The following FHIT variants were observed in gnomAD, a reference collection of about 807,000 sequenced individuals.
The protein encoded by FHIT is fragile histidine triad diadenosine triphosphatase, also known as bis(5'-adenosyl)-triphosphatase.
FHIT carries 19 observed loss-of-function variants against 17.9 expected under a neutral mutation model. That is an observed-to-expected ratio of 1.06 (90% CI 0.74 to 1.56). The LOEUF is 1.56. Ranked by LOEUF, FHIT falls within the 40% of genes most tolerant of loss-of-function variation. FHIT has a pLI of 0.00. For missense variants in FHIT, 248 were observed against 189.2 expected (o/e 1.31, Z -1.82); for synonymous variants, 81 against 69.7 (o/e 1.16, Z -0.81).
At chr3:59,806,513 C>T (rs556366876) in intron 8 of FHIT, among the ~76,000 whole-genome samples, 21 of 152,182 alleles carry the variant, frequency 1.4e-4, no homozygotes, top group East Asian at 3.9e-4. Flanking sequence ...AGATCCCCAG[C>T]GGCAATTCCC....
At chr3:59,765,501 A>T (rs1463568591) in intron 8 of FHIT, among the ~76,000 whole-genome samples, 1 of 152,208 alleles carries the variant, frequency 6.6e-6, no homozygotes, top group African/African-American at 2.4e-5. Flanking sequence ...TTTGAAAGTG[A>T]TATTTTTACA....
At chr3:60,745,818 A>G (rs937492766) in intron 4 of FHIT, among the ~76,000 whole-genome samples, 11 of 152,296 alleles carry the variant, frequency 7.2e-5, no homozygotes, top group Non-Finnish European at 1.5e-4. Flanking sequence ...AAAAACATTT[A>G]GAAAGACCAA....
chr3:60,021,767 A>G (rs975666890), intron 5 of FHIT, among the ~76,000 whole-genome samples: 1 of 152,176 alleles, frequency 6.6e-6, no homozygotes, highest in Admixed American at 6.5e-5. Context: ...CACTGTTACA[A>G]TGTCCATGCT....
At chr3:60,251,761 T>C (rs992493329) in intron 5 of FHIT, among the ~76,000 whole-genome samples, 6 of 152,160 alleles carry the variant, frequency 3.9e-5, no homozygotes, top group African/African-American at 7.2e-5. Context: ...AGCATACCTT[T>C]CTTTTCCCTC....
intron 5 of FHIT, among the ~76,000 whole-genome samples, chr3:60,260,807 C>G (rs749657263): frequency 2.0e-5 from 3 of 151,974 alleles, no homozygotes; most frequent in Admixed American, 6.6e-5. Flanking sequence ...GGCCAAAACC[C>G]ATCGAAACCA....
intron 5 of FHIT, among the ~76,000 whole-genome samples, chr3:60,318,519 C>A (rs968115895): frequency 6.6e-6 from 1 of 152,124 alleles, no homozygotes; most frequent in African/African-American, 2.4e-5. Context: ...ATAGGTCAAG[C>A]AAATTCTACC....
chr3:60,619,708 T>C (rs1032858633), intron 4 of FHIT, among the ~76,000 whole-genome samples: 6 of 149,216 alleles, frequency 4.0e-5, no homozygotes, highest in South Asian at 2.1e-4. Flanking sequence ...TGTAAAACCA[T>C]AGAACTCCTA....
chr3:61,206,188 G>T (rs1011416459), intron 1 of FHIT, among the ~76,000 whole-genome samples: 10 of 134,976 alleles, frequency 7.4e-5, no homozygotes, highest in African/African-American at 2.5e-4. Flanking sequence ...TCTCTGTTTT[G>T]GTACCAGTAC....
intron 2 of FHIT, among the ~76,000 whole-genome samples, chr3:61,155,981 A>G (rs2037523262): frequency 1.3e-5 from 2 of 152,128 alleles, no homozygotes; most frequent in Admixed American, 1.3e-4. Flanking sequence ...CTAGCCAGAG[A>G]GTATCTACGT....
intron 4 of FHIT, among the ~76,000 whole-genome samples, chr3:60,576,258 A>C (rs2037562268): frequency 6.6e-6 from 1 of 152,154 alleles, no homozygotes; most frequent in East Asian, 1.9e-4. Context: ...AAGAAATGGA[A>C]GGCAAGGCAC....
At chr3:60,648,869 G>C (rs1553687502) in intron 4 of FHIT, among the ~76,000 whole-genome samples, 2 of 152,194 alleles carry the variant, frequency 1.3e-5, no homozygotes, top group African/African-American at 4.8e-5. Flanking sequence ...GGAAACATCT[G>C]AGGTTCACTC....
chr3:59,920,435 T>G (rs2107183920), intron 8 of FHIT, among the ~76,000 whole-genome samples: 1 of 152,308 alleles, frequency 6.6e-6, no homozygotes, highest in African/African-American at 2.4e-5. Flanking sequence ...TTTTCTTTTC[T>G]GTGGGGCCAT....
intron 5 of FHIT, among the ~76,000 whole-genome samples, chr3:60,494,299 C>T (rs948919178): frequency 2.0e-5 from 3 of 152,120 alleles, no homozygotes; most frequent in African/African-American, 4.8e-5. Context: ...AATTGTATCA[C>T]ATAATATGCG....
intron 5 of FHIT, among the ~76,000 whole-genome samples, chr3:60,437,874 T>C (rs2030415887): frequency 6.6e-6 from 1 of 152,060 alleles, no homozygotes; most frequent in Non-Finnish European, 1.5e-5. Context: ...TGCACCAAAA[T>C]CATGACTAGT....
At chr3:60,985,244 C>A (rs538080808) in intron 3 of FHIT, among the ~76,000 whole-genome samples, 2 of 152,214 alleles carry the variant, frequency 1.3e-5, no homozygotes, top group South Asian at 2.1e-4. Context: ...TGTTTGAATA[C>A]GTTCTGTGTT....
At chr3:60,022,687 G>T (rs887171532) in intron 5 of FHIT, among the ~76,000 whole-genome samples, 1 of 152,194 alleles carries the variant, frequency 6.6e-6, no homozygotes, top group African/African-American at 2.4e-5. Context: ...TGTTGAAGAG[G>T]ATTCTGAAGC....
rs548142991 is a variant in FHIT at position 60,252,989 on chromosome 3, C to A, written c.104-238837G>T. ...CTCCAGCCTGGGTGACAGAGCGAGA[C>A]TCCATCTCAAAATAAATAAATGAAT... On this transcript the variant is annotated intron_variant, in intron 5 of 9. Transcript: ENST00000492590. Among the ~76,000 whole-genome samples, 3 of 152,058 alleles carry A rather than the reference C, an allele frequency of 2.0e-5. No homozygotes were observed. The South Asian group carries it at 6.2e-4, about 32-fold the overall frequency.
intron 8 of FHIT, among the ~76,000 whole-genome samples, chr3:59,829,518 C>T (rs1701091615): frequency 6.6e-6 from 1 of 152,174 alleles, no homozygotes; most frequent in East Asian, 1.9e-4. Flanking sequence ...TTACTCATAG[C>T]ACTGATAGCA....
chr3:60,408,214 AC>A (rs1701944888), intron 5 of FHIT, among the ~76,000 whole-genome samples: 1 of 152,050 alleles, frequency 6.6e-6, no homozygotes, highest in South Asian at 2.1e-4. Context: ...TGGACTAACC[AC>A]CCTGCACGTG....
Sources: allele counts gnomAD v4.1 joint callset (sites outside exome capture counted in the v4.1 genomes callset), GRCh38; gene constraint gnomAD v4.1.1; transcripts MANE v1.5; gene names NCBI Gene and HGNC (gene_info 2026-07-23, HGNC 2026-07-21).